LRRC4C: variants seen among roughly 807,000 people sequenced by gnomAD.
LRRC4C encodes leucine rich repeat containing 4C, also known as leucine-rich repeat-containing protein 4C.
Under a neutral mutation model 33.6 loss-of-function variants are expected in LRRC4C, and 5 were observed. The ratio of observed to expected loss-of-function variants is 0.15; its 90% confidence interval spans 0.08 to 0.31. LRRC4C has a LOEUF of 0.31. Ranked by LOEUF, LRRC4C falls within the 10% of genes least tolerant of loss-of-function variation. LRRC4C has a pLI of 1.00. For synonymous variants in LRRC4C, 329 were observed against 302.0 expected (o/e 1.09, Z -0.93); for missense variants, 560 against 796.7 (o/e 0.70, Z 3.58).
At chr11:41,179,203 A>G (rs1056277647) in intron 1 of LRRC4C, among the ~76,000 whole-genome samples, 11 of 149,084 alleles carry the variant, frequency 7.4e-5, no homozygotes, top group African/African-American at 2.7e-4. Flanking sequence ...TTTTTTTTTA[A>G]GATATCTGTG....
At chr11:40,573,184 C>T (rs11827526) in intron 3 of LRRC4C, among the ~76,000 whole-genome samples, 2,541 of 152,270 alleles carry the variant, frequency 0.017, 88 homozygotes, top group African/African-American at 0.058. Flanking sequence ...ATTTCTTCAT[C>T]TTTCAGATGT....
At chr11:40,674,918 A>G (rs1944319139) in intron 2 of LRRC4C, among the ~76,000 whole-genome samples, 1 of 152,164 alleles carries the variant, frequency 6.6e-6, no homozygotes, top group African/African-American at 2.4e-5. Context: ...CCAAATTTGC[A>G]CAGCTAATCA....
intron 3 of LRRC4C, among the ~76,000 whole-genome samples, chr11:40,598,153 G>A (rs988778323): frequency 1.3e-5 from 2 of 152,130 alleles, no homozygotes; most frequent in Non-Finnish European, 2.9e-5. Context: ...AGGTTGAGTG[G>A]ATATCTCTTG....
intron 2 of LRRC4C, among the ~76,000 whole-genome samples, chr11:40,894,228 T>C (rs1286093795): frequency 2.6e-5 from 4 of 152,156 alleles, no homozygotes; most frequent in Non-Finnish European, 5.9e-5. Context: ...TTGATACATG[T>C]CTCTAAAATG....
intron 3 of LRRC4C, among the ~76,000 whole-genome samples, chr11:40,421,616 C>G (rs774588719): frequency 1.3e-5 from 2 of 152,206 alleles, no homozygotes; most frequent in Non-Finnish European, 2.9e-5. Flanking sequence ...AGGCCTTTCT[C>G]TGGCTGATCT....
intron 2 of LRRC4C, among the ~76,000 whole-genome samples, chr11:40,917,906 C>A (rs1957025716): frequency 6.6e-6 from 1 of 151,900 alleles, no homozygotes; most frequent in African/African-American, 2.4e-5. Flanking sequence ...TATTCAATAT[C>A]ATTGCAATAA....
intron 3 of LRRC4C, among the ~76,000 whole-genome samples, chr11:40,476,565 C>T (rs1953245582): frequency 6.6e-6 from 1 of 151,844 alleles, no homozygotes; most frequent in Non-Finnish European, 1.5e-5. Flanking sequence ...AGGCTGGTCT[C>T]AAACTCCTGA....
chr11:40,397,591 T>C (rs1204190645), intron 3 of LRRC4C, among the ~76,000 whole-genome samples: 5 of 152,046 alleles, frequency 3.3e-5, no homozygotes, highest in African/African-American at 1.2e-4. Context: ...CAGGAAGTAG[T>C]TGGTGGGTAA....
intron 1 of LRRC4C, among the ~76,000 whole-genome samples, chr11:41,210,946 T>C (rs575008981): frequency 1.3e-5 from 2 of 152,226 alleles, no homozygotes; most frequent in Non-Finnish European, 2.9e-5. Context: ...GCAACCTAGA[T>C]CCCTCACATA....
intron 1 of LRRC4C, among the ~76,000 whole-genome samples, chr11:41,147,360 C>T (rs1262086634): frequency 6.6e-6 from 1 of 152,146 alleles, no homozygotes; most frequent in Non-Finnish European, 1.5e-5. Context: ...GAGGAAGTAA[C>T]CTGTACACCA....
intron 1 of LRRC4C, among the ~76,000 whole-genome samples, chr11:41,281,186 T>C (rs1480757607): frequency 2.0e-5 from 3 of 150,296 alleles, no homozygotes; most frequent in African/African-American, 7.3e-5. Context: ...AGTGCTAAAA[T>C]CTAAAGTGCT....
At chr11:40,211,029 G>A (rs946631507) in intron 5 of LRRC4C, among the ~76,000 whole-genome samples, 1 of 151,932 alleles carries the variant, frequency 6.6e-6, no homozygotes, top group Non-Finnish European at 1.5e-5. Context: ...TGCCTGCCTC[G>A]GCCTCCCAAA....
At chr11:40,988,713 C>CTTT (rs869034558) in intron 1 of LRRC4C, among the ~76,000 whole-genome samples, 19 of 57,734 alleles carry the variant, frequency 3.3e-4, no homozygotes, top group African/African-American at 5.4e-4. Flanking sequence ...CTTTTCTTTT[C>CTTT]TTTTTTTTTT....
chr11:40,719,035 G>A (rs868266006), intron 2 of LRRC4C, among the ~76,000 whole-genome samples: 6 of 152,040 alleles, frequency 3.9e-5, no homozygotes, highest in African/African-American at 7.2e-5. Flanking sequence ...CTCTTTTGAC[G>A]GCCCTTGCTG....
chr11:41,034,863 T>C, intron 1 of LRRC4C, among the ~76,000 whole-genome samples: 1 of 150,486 alleles, frequency 6.6e-6, no homozygotes, highest in South Asian at 2.1e-4. Context: ...ATTTCCTTCA[T>C]GGTTTCATGA....
chr11:40,607,844 G>A (rs1960786332), intron 3 of LRRC4C, among the ~76,000 whole-genome samples: 1 of 152,062 alleles, frequency 6.6e-6, no homozygotes, highest in African/African-American at 2.4e-5. Flanking sequence ...TGGGGCTTTG[G>A]GAGCTGTAAA....
intron 3 of LRRC4C, among the ~76,000 whole-genome samples, chr11:40,470,148 G>C (rs931556535): frequency 6.6e-6 from 1 of 152,180 alleles, no homozygotes; most frequent in African/African-American, 2.4e-5. Context: ...GTTGGCATCT[G>C]GTGGGTGCCC....
chr11:40,499,916 C>A (rs1426097581), intron 3 of LRRC4C, among the ~76,000 whole-genome samples: 1 of 151,878 alleles, frequency 6.6e-6, no homozygotes, highest in Non-Finnish European at 1.5e-5. Flanking sequence ...GAGACCTAGG[C>A]CAGGGACAAA....
chr11:40,746,414 G>A (rs1948424153), intron 2 of LRRC4C, among the ~76,000 whole-genome samples: 1 of 152,174 alleles, frequency 6.6e-6, no homozygotes, highest in Non-Finnish European at 1.5e-5. Flanking sequence ...TGCTGCTTTA[G>A]GACTGAGGCT....
Sources: allele counts gnomAD v4.1 joint callset (sites outside exome capture counted in the v4.1 genomes callset), GRCh38; gene constraint gnomAD v4.1.1; transcripts MANE v1.5; gene names NCBI Gene and HGNC (gene_info 2026-07-23, HGNC 2026-07-21).